NAA35: variants seen among roughly 807,000 people sequenced by gnomAD.
NAA35 encodes MAK10 homolog, amino-acid N-acetyltransferase subunit.
NAA35 carries 18 observed loss-of-function variants against 101.7 expected under a neutral mutation model. The observed-to-expected ratio is 0.18, with a 90% CI of 0.12 to 0.26. The LOEUF (loss-of-function observed/expected upper bound fraction) is 0.26, where lower values mean the gene tolerates loss of function less well. NAA35 is among the 10% of genes least tolerant of loss of function. The pLI is 1.00. For synonymous variants in NAA35, 267 were observed against 273.1 expected (o/e 0.98, Z 0.22); for missense variants, 601 against 886.8 (o/e 0.68, Z 4.09).
chr9:85,952,316 G>A lies in NAA35; in HGVS notation c.125-4044G>A, dbSNP rs1327099153. ...TTTTTTTTTTTTGAGACGGTGTTTC[G>A]CTCTTTTTGCCCAGACTGGAGTGCA... On this transcript the variant is annotated intron_variant, in intron 2 of 22. Coordinates refer to ENST00000361671, the MANE Select transcript of NAA35 (RefSeq NM_024635.4). 2.1e-5 allele frequency among the ~76,000 whole-genome samples: 3 copies of A among 139,718 alleles called. No individual in the cohort carries two copies. The South Asian group carries it at 6.7e-4, about 31-fold the overall frequency. 91.7% of individuals were successfully genotyped at this position (139,718 alleles called of 152,430 possible).
At chr9:85,949,487 G>A (rs1462313208) in intron 2 of NAA35, among the ~76,000 whole-genome samples, 1 of 151,844 alleles carries the variant, frequency 6.6e-6, no homozygotes, top group Non-Finnish European at 1.5e-5. Flanking sequence ...TAGAGACGGG[G>A]TTTCACTGTG....
intron 5 of NAA35, among the ~76,000 whole-genome samples, chr9:85,960,581 T>G (rs1829472035): frequency 6.6e-6 from 1 of 152,196 alleles, no homozygotes; most frequent in Non-Finnish European, 1.5e-5. Flanking sequence ...ATTACATTGC[T>G]TGGGAGGGGC....
chr9:86,000,675 T>G (rs1404803543), intron 12 of NAA35, among the ~76,000 whole-genome samples: 1 of 152,152 alleles, frequency 6.6e-6, no homozygotes, highest in Non-Finnish European at 1.5e-5. Flanking sequence ...GGTTTTCTAG[T>G]TTGTATGTGT....
intron 14 of NAA35, among the ~76,000 whole-genome samples, chr9:86,008,211 T>C (rs1426559509): frequency 2.0e-5 from 3 of 152,126 alleles, no homozygotes; most frequent in African/African-American, 7.2e-5. Flanking sequence ...CACGGGTGCA[T>C]GTCACCATGC....
chr9:86,017,609 C>T, intron 19 of NAA35, 44 bp downstream of exon 19: 1 of 1,463,370 alleles, frequency 6.8e-7, no homozygotes, highest in Non-Finnish European at 9.5e-7. Context: ...TTAGCTATAT[C>T]CCTATTATAT....
chr9:85,956,398 GTATT>G lies in NAA35; in HGVS notation c.158+9_158+12del, dbSNP rs769088597. On this transcript the variant is annotated splice_donor_region_variant and intron_variant, in intron 3 of 22. Coordinates refer to ENST00000361671, the MANE Select transcript of NAA35 (RefSeq NM_024635.4). ...AGAACTACTTCATGATAAGCTGTAA[GTATT>G]TATCCTTTGAAAATAGTGTAGTGTA... 2.2e-6 allele frequency: 3 copies of G among 1,389,752 alleles called. No homozygotes were observed. Among genetic ancestry groups the G allele is most frequent in the Non-Finnish European group, 2.9e-6 (3 of 1,027,420 alleles). The allele number at this position is 1,389,752 out of a possible 1,614,324, so 86.1% of individuals were successfully genotyped here. A position where few individuals can be genotyped will look rare whatever the true frequency, so the allele number is the denominator to read the frequency against.
At chr9:85,986,646 G>A (rs1413468534) in intron 11 of NAA35, 3 of 338,656 alleles carry the variant, frequency 8.9e-6, no homozygotes, top group Non-Finnish European at 1.1e-5. Context: ...GTGCAATGGC[G>A]TGATCTCGGC....
chr9:85,944,576 T>C (rs1828674935), intron 2 of NAA35, among the ~76,000 whole-genome samples: 1 of 152,194 alleles, frequency 6.6e-6, no homozygotes, highest in African/African-American at 2.4e-5. Flanking sequence ...ACTTTTCCCT[T>C]GGTGACAGCA....
chr9:86,018,131 A>T, intron 19 of NAA35, 124 bp from the exon 20 acceptor site: 1 of 814,000 alleles, frequency 1.2e-6, no homozygotes, highest in East Asian at 2.7e-5. Flanking sequence ...ATATGTCCTC[A>T]TTTCTTCAGA....
Position 85,958,457 on chromosome 9 carries a change from T to C in NAA35, c.159-15T>C. 6.4e-7 allele frequency: 1 copy of C among 1,551,474 alleles called. No homozygotes were observed. The stretch of plus-strand genomic sequence containing the variant: ...GCTCAAAAACAATTTGTTGGCTCAA[T>C]TTTTTTATTTGCAGATTTGGTCTTT... On this transcript the variant is annotated splice_polypyrimidine_tract_variant and intron_variant, in intron 3 of 22. Coordinates refer to ENST00000361671, the MANE Select transcript of NAA35 (RefSeq NM_024635.4).
chr9:86,014,334 T>C (rs1832096614), intron 17 of NAA35: 1 of 969,386 alleles, frequency 1.0e-6, no homozygotes, highest in Non-Finnish European at 1.2e-6. Flanking sequence ...GAGGATTCAC[T>C]TCAGGAGCTT....
rs370432917 is a variant in NAA35 at position 85,976,655 on chromosome 9, G to C, written c.628-30G>C. ...TGTAATGTAATATTTTTTCAGGTTT[G>C]TGTTTAATTCACCTTTTTTAAAATT... On this transcript the variant is annotated intron_variant, in intron 8 of 22. Transcript: ENST00000361671. The C allele has an allele frequency of 2.6e-6, 4 of 1,510,684 alleles. No homozygotes were observed. The African/African-American group carries it at 5.7e-5, about 21-fold the overall frequency. The allele number at this position is 1,510,684 out of a possible 1,614,324, so 93.6% of individuals were successfully genotyped here.
chr9:86,016,482 T>G (rs2118476194), intron 17 of NAA35, 57 bp from the exon 18 acceptor site: 1 of 1,495,604 alleles, frequency 6.7e-7, no homozygotes, highest in East Asian at 2.3e-5. Context: ...ATATATGTGT[T>G]GATAAAGCTG....
At chr9:85,949,605 A>AT (rs1432061443) in intron 2 of NAA35, among the ~76,000 whole-genome samples, 1 of 151,532 alleles carries the variant, frequency 6.6e-6, no homozygotes, top group East Asian at 1.9e-4. Flanking sequence ...TTTCTTTCCT[A>AT]TTTTTTATGT....
intron 8 of NAA35, among the ~76,000 whole-genome samples, chr9:85,976,252 T>C (rs145186198): frequency 1.4e-3 from 210 of 152,330 alleles, no homozygotes; most frequent in African/African-American, 4.7e-3. Flanking sequence ...ATTAAGAAAT[T>C]GTGTATTTTA....
At chr9:85,962,943 A>G (rs1198155355) in intron 6 of NAA35, among the ~76,000 whole-genome samples, 1 of 152,188 alleles carries the variant, frequency 6.6e-6, no homozygotes, top group Non-Finnish European at 1.5e-5. Context: ...AGAGATAGAA[A>G]GATTTTTTTC....
Position 85,941,230 on chromosome 9 carries a change from G to A in NAA35, c.-49G>A, listed in dbSNP as rs1346441227. On this transcript the variant is annotated 5_prime_UTR_variant, in exon 1 of 23. Transcript: ENST00000361671. ...CCGAGGCGGCGTCGTTATTTCCGTGGTCCGGACAGTGCGTGGCGGCGCGGG... is the reference window on the plus strand; with the variant it reads ...CCGAGGCGGCGTCGTTATTTCCGTGATCCGGACAGTGCGTGGCGGCGCGGG... The A allele has an allele frequency of 9.1e-6, 9 of 986,764 alleles. No individual in the cohort carries two copies. The highest frequency in any genetic ancestry group is 3.5e-5 in the African/African-American group (2 of 57,236). The allele number at this position is 986,764 out of a possible 1,614,324, so 61.1% of individuals were successfully genotyped here.
Position 85,974,961 on chromosome 9 carries a change from G to A in NAA35, c.517-6G>A, listed in dbSNP as rs765276322. ...TCATGAGCCTGATTATTTCCTTTTTGTATAGGAAGATTTTCAGTCAATGAC... is the reference window on the plus strand; with the variant it reads ...TCATGAGCCTGATTATTTCCTTTTTATATAGGAAGATTTTCAGTCAATGAC... On this transcript the variant is annotated splice_polypyrimidine_tract_variant and splice_region_variant and intron_variant, in intron 6 of 22. Coordinates refer to ENST00000361671, the MANE Select transcript of NAA35 (RefSeq NM_024635.4). 5 of 1,606,572 alleles carry A rather than the reference G, an allele frequency of 3.1e-6. No homozygotes were observed. Among genetic ancestry groups the A allele is most frequent in the South Asian group, 1.1e-5 (1 of 90,144 alleles).
At chr9:85,978,174 T>G (rs1830293723) in intron 10 of NAA35, 93 bp from the exon 11 acceptor site, 1 of 775,310 alleles carries the variant, frequency 1.3e-6, no homozygotes, top group Admixed American at 2.0e-5. Flanking sequence ...CAGCAAGCAT[T>G]TAATTTCATT....
Sources: allele counts gnomAD v4.1 joint callset (sites outside exome capture counted in the v4.1 genomes callset), GRCh38; gene constraint gnomAD v4.1.1; transcripts MANE v1.5; gene names NCBI Gene and HGNC (gene_info 2026-07-23, HGNC 2026-07-21).